GPR180: variants seen among roughly 807,000 people sequenced by gnomAD.
GPR180 encodes integral membrane protein GPR180.
GPR180 carries 53 observed loss-of-function variants against 52.6 expected under a neutral mutation model. The observed-to-expected ratio is 1.01, with a 90% CI of 0.81 to 1.27. The LOEUF is 1.27. Ranked by LOEUF, GPR180 falls within the 50% of genes most tolerant of loss-of-function variation. The pLI is 0.00. For synonymous variants in GPR180, 200 were observed against 193.1 expected (o/e 1.04, Z -0.30); for missense variants, 533 against 527.0 (o/e 1.01, Z -0.11).
At chr13:94,619,711 C>T (rs908311983) in intron 5 of GPR180, among the ~76,000 whole-genome samples, 194 bp downstream of exon 5, 5 of 152,036 alleles carry the variant, frequency 3.3e-5, no homozygotes, top group African/African-American at 1.2e-4. Flanking sequence ...TACAGCTCCT[C>T]GTTGTTTTTT....
intron 7 of GPR180, among the ~76,000 whole-genome samples, chr13:94,624,589 G>T (rs1433640933): frequency 6.6e-6 from 1 of 152,192 alleles, no homozygotes. Context: ...ACGGTGTCTC[G>T]CTCTATCGCC....
chr13:94,616,111 A>T (rs1012893377), intron 3 of GPR180, among the ~76,000 whole-genome samples: 3 of 152,196 alleles, frequency 2.0e-5, no homozygotes, highest in Non-Finnish European at 4.4e-5. Flanking sequence ...TCTGAGCATC[A>T]TGTCTAGATG....
At chr13:94,609,405 G>GA (rs1555344454) in intron 2 of GPR180, among the ~76,000 whole-genome samples, 2 of 152,094 alleles carry the variant, frequency 1.3e-5, no homozygotes, top group Non-Finnish European at 2.9e-5. Flanking sequence ...CAGCCTTGCC[G>GA]AAAAGACAGC....
rs981179147 is a variant in GPR180, at chr13:94,601,874, G to T, written c.-54G>T. On this transcript the variant is annotated 5_prime_UTR_variant, in exon 1 of 9. Transcript: ENST00000376958. ...CCTCCCCCAGCTGCCGACGTGGGGC[G>T]GGCAGCCGCCGGCGGCTGGGAGCCG... The T allele has an allele frequency of 2.4e-5, 32 of 1,332,748 alleles. No homozygotes were observed. The highest frequency in any genetic ancestry group is 3.1e-5 in the Non-Finnish European group (32 of 1,040,188). The allele number at this position is 1,332,748 out of a possible 1,614,324, so 82.6% of individuals were successfully genotyped here. A position where few individuals can be genotyped will look rare whatever the true frequency, so the allele number is the denominator to read the frequency against.
At chr13:94,608,522 A>T (rs528333298) in intron 2 of GPR180, among the ~76,000 whole-genome samples, 38 of 152,274 alleles carry the variant, frequency 2.5e-4, no homozygotes, top group African/African-American at 7.2e-4. Flanking sequence ...TTTAATACTG[A>T]TTTCTACATA....
chr13:94,613,025 A>G (rs1305305728), intron 3 of GPR180, among the ~76,000 whole-genome samples: 1 of 152,226 alleles, frequency 6.6e-6, no homozygotes, highest in East Asian at 1.9e-4. Flanking sequence ...CTACTGAGGT[A>G]AGATTCCACC....
chr13:94,614,636 A>G (rs1314065047), intron 3 of GPR180, among the ~76,000 whole-genome samples: 2 of 152,106 alleles, frequency 1.3e-5, no homozygotes, highest in African/African-American at 4.8e-5. Context: ...TATGATGCAT[A>G]CTAACCGTTA....
chr13:94,614,359 G>A (rs1889750357), intron 3 of GPR180, among the ~76,000 whole-genome samples: 1 of 152,200 alleles, frequency 6.6e-6, no homozygotes, highest in South Asian at 2.1e-4. Flanking sequence ...GGCTCAAAAG[G>A]TGGTTTTATG....
At position 94,634,130 on chromosome 13, in the gene GPR180, T is replaced by C. The variant is rs1890034598; in HGVS notation, c.*6959T>C. On this transcript the variant is annotated 3_prime_UTR_variant, in exon 9 of 9. Coordinates refer to ENST00000376958, the MANE Select transcript of GPR180 (RefSeq NM_180989.6). ...TTTCCAATTAGTCTTGCTCATTTTT[T>C]ATATAAACTTTGAAATCAATTTTTC... 6.6e-6 allele frequency: 1 copy of C among 152,176 alleles called. No individual in the cohort carries two copies. The highest frequency in any genetic ancestry group is 1.5e-5 in the Non-Finnish European group (1 of 68,020). The allele number at this position is 152,176 out of a possible 1,614,324, so 9.4% of individuals were successfully genotyped here.
chr13:94,609,158 T>G (rs1202283929), intron 2 of GPR180, among the ~76,000 whole-genome samples: 1 of 152,204 alleles, frequency 6.6e-6, no homozygotes, highest in African/African-American at 2.4e-5. Flanking sequence ...CTTTTGTAGT[T>G]TGGTATATTT....
chr13:94,620,927 G>T (rs996398059), intron 5 of GPR180, 151 bp from the exon 6 acceptor site: 6 of 598,186 alleles, frequency 1.0e-5, no homozygotes, highest in South Asian at 7.3e-5. Flanking sequence ...TATTACCTGC[G>T]AATATCTCTT....
chr13:94,628,246 GC>G lies in GPR180; in HGVS notation c.*1079del, dbSNP rs1344172695. The G allele has an allele frequency of 1.3e-5, 2 of 152,372 alleles. No homozygotes were observed. The highest frequency in any genetic ancestry group is 4.8e-5 in the African/African-American group (2 of 41,404). 9.4% of individuals were successfully genotyped at this position (152,372 alleles called of 1,614,324 possible). A position where few individuals can be genotyped will look rare whatever the true frequency, so the allele number is the denominator to read the frequency against. On this transcript the variant is annotated 3_prime_UTR_variant, in exon 9 of 9. Transcript: ENST00000376958. ...CCATACTTTTGTGTGTGTGTGTGAT[GC>G]CCCAGTATTGAGTATGCTAGCTAAA...
rs754449385 is a variant in GPR180, at chr13:94,619,170, C to T, written c.526C>T (p.Leu176Phe). Reference protein sequence around the residue: ...GESGLHEFFFLLVLVYFVIAC... With the variant: ...GESGLHEFFFFLVLVYFVIAC... ...CACAGGGTTACATGAGTTCTTTTTC[C>T]TCCTAGTCCTAGTGTACTTTGTGAT... The change falls in exon 4 of 9, where the codon CTC becomes TTC. Residue 176 changes from leucine to phenylalanine, a missense_variant. Transcript: ENST00000376958. 1 of 1,613,168 alleles carries T rather than the reference C, an allele frequency of 6.2e-7. No homozygotes were observed. Among genetic ancestry groups the T allele is most frequent in the Non-Finnish European group, 8.5e-7 (1 of 1,179,756 alleles).
rs1889821660 is a variant in GPR180, at chr13:94,619,314, T to A, written c.670T>A (p.Tyr224Asn). 1.2e-6 allele frequency: 2 copies of A among 1,613,884 alleles called. No individual in the cohort carries two copies. Among genetic ancestry groups the A allele is most frequent in the Non-Finnish European group, 1.7e-6 (2 of 1,179,942 alleles). Residue 224 changes from tyrosine to asparagine, a missense_variant, in exon 4 of 9, where the codon TAC (tyrosine) becomes AAC (asparagine). Coordinates refer to ENST00000376958, the MANE Select transcript of GPR180 (RefSeq NM_180989.6). Reference protein sequence around the residue: ...LLQAGSALANYIHFSSYSKDG... With the variant: ...LLQAGSALANNIHFSSYSKDG... The stretch of plus-strand genomic sequence containing the variant: ...ACAAGCTGGTTCAGCTTTAGCTAAT[T>A]ACATTCATTTCTCCAGGTAACTCAA...
At chr13:94,623,702 C>A (rs1594479097) in intron 7 of GPR180, among the ~76,000 whole-genome samples, 3 of 145,596 alleles carry the variant, frequency 2.1e-5, no homozygotes, top group Non-Finnish European at 3.0e-5. Flanking sequence ...AAAAAAAAAA[C>A]TTCTGTTATG....
intron 3 of GPR180, among the ~76,000 whole-genome samples, chr13:94,618,443 T>TTTTTTTTTTTTTTTTTTTTAG (rs1003520390): frequency 8.3e-6 from 1 of 120,410 alleles, no homozygotes; most frequent in Admixed American, 8.3e-5. Flanking sequence ...TTTTTTTTTT[T>TTTTTTTTTTTTTTTTTTTTAG]GGCAAGAGCT....
At chr13:94,607,805 C>G (rs903846843) in intron 2 of GPR180, among the ~76,000 whole-genome samples, 4 of 152,090 alleles carry the variant, frequency 2.6e-5, no homozygotes, top group African/African-American at 9.7e-5. Context: ...TTGATAAGTA[C>G]TATGAATGCT....
chr13:94,620,784 A>G (rs1889840419), intron 5 of GPR180, among the ~76,000 whole-genome samples: 1 of 152,210 alleles, frequency 6.6e-6, no homozygotes, highest in African/African-American at 2.4e-5. Context: ...ATGGGAAACG[A>G]AAAGAGTTAA....
intron 3 of GPR180, 125 bp downstream of exon 3, chr13:94,612,515 A>G: frequency 3.0e-6 from 2 of 673,210 alleles, no homozygotes; most frequent in South Asian, 3.9e-5. Context: ...GAAATGGTTA[A>G]ATTAATCTTC....
Sources: allele counts gnomAD v4.1 joint callset (sites outside exome capture counted in the v4.1 genomes callset), GRCh38; gene constraint gnomAD v4.1.1; transcripts MANE v1.5; gene names NCBI Gene and HGNC (gene_info 2026-07-23, HGNC 2026-07-21).